The following CDH7 variants were observed in gnomAD, a reference collection of about 807,000 sequenced individuals.
CDH7 encodes cadherin 7, also known as cadherin-7.
In CDH7, 25 loss-of-function variants were observed where a neutral mutation model predicts 71.8. The observed-to-expected ratio is 0.35, with a 90% CI of 0.25 to 0.49. The LOEUF (loss-of-function observed/expected upper bound fraction) is 0.49, where lower values mean the gene tolerates loss of function less well. Among genes scored for constraint, CDH7 ranks in the 20% least tolerant of loss-of-function variants. The pLI is 0.99. For missense variants in CDH7, 862 were observed against 974.6 expected (o/e 0.88, Z 1.54); for synonymous variants, 381 against 363.8 (o/e 1.05, Z -0.54).
In CDH7 at chr18:65,842,818, AGTATGTATTAT is replaced by A. The variant is rs1568214798; in HGVS notation, c.982-993_982-983del. On this transcript the variant is annotated intron_variant, in intron 6 of 11. Coordinates refer to ENST00000397968, the MANE Select transcript of CDH7 (RefSeq NM_004361.5). Reference sequence around the variant, plus strand: ...TTCTTATATACTGACAACTAAGTCAAGTATGTATTATATTTTTCAGTATTCCTGTAAAGTTT... The same window carrying A: ...TTCTTATATACTGACAACTAAGTCAAATTTTTCAGTATTCCTGTAAAGTTT... Among the ~76,000 whole-genome samples the A allele has an allele frequency of 9.9e-5, 15 of 150,998 alleles. No individual in the cohort carries two copies. The South Asian group carries it at 1.7e-3, about 17-fold the overall frequency.
At chr18:65,811,077 G>T (rs1245185762) in intron 3 of CDH7, among the ~76,000 whole-genome samples, 2 of 151,680 alleles carry the variant, frequency 1.3e-5, no homozygotes, top group Non-Finnish European at 2.9e-5. Flanking sequence ...ATGAGAGATG[G>T]GTTGATTATT....
rs149642145 is a variant in CDH7 at position 65,807,646 on chromosome 18, C to T, written c.211-2058C>T. ...GGAGCATTAGGAGAGCAGCACTGAG[C>T]GTTAAGCGGCCCGGGGACTGGAAGC... On this transcript the variant is annotated intron_variant, in intron 2 of 11. Transcript: ENST00000397968. Among the ~76,000 whole-genome samples the T allele has an allele frequency of 6.2e-3, 940 of 152,278 alleles. 10 individuals are homozygous for T. Among genetic ancestry groups the T allele is most frequent in the African/African-American group, 0.021 (868 of 41,554 alleles).
rs1004805125 is a variant in CDH7 at position 65,753,853 on chromosome 18, A to G, written c.-197+2703A>G. 7.9e-5 allele frequency among the ~76,000 whole-genome samples: 12 copies of G among 152,344 alleles called. No individual in the cohort carries two copies. In the South Asian group the frequency reaches 1.7e-3, roughly 21 times the overall value. On this transcript the variant is annotated intron_variant, in intron 1 of 11. Coordinates refer to ENST00000397968, the MANE Select transcript of CDH7 (RefSeq NM_004361.5). ...ATTACCAGTTCAAATGAATATGCAG[A>G]CATCTGTCCATATCTTCATTTCAGA...
At chr18:65,869,656 T>C (rs1455955676) in intron 11 of CDH7, among the ~76,000 whole-genome samples, 2 of 150,286 alleles carry the variant, frequency 1.3e-5, no homozygotes, top group Non-Finnish European at 3.0e-5. Flanking sequence ...CTAGCAGTCT[T>C]TGAGCATCTG....
intron 2 of CDH7, among the ~76,000 whole-genome samples, chr18:65,789,216 G>T (rs890441635): frequency 1.3e-5 from 2 of 152,156 alleles, no homozygotes; most frequent in African/African-American, 2.4e-5. Context: ...CATCAGGCAG[G>T]TCTTTAAAGA....
chr18:65,763,636 G>A (rs992923636), intron 2 of CDH7, among the ~76,000 whole-genome samples: 1 of 147,194 alleles, frequency 6.8e-6, no homozygotes, highest in Non-Finnish European at 1.5e-5. Context: ...TGTGTGTTAG[G>A]TTGCTTTAAA....
chr18:65,806,354 G>A (rs1911321192), intron 2 of CDH7, among the ~76,000 whole-genome samples: 1 of 151,628 alleles, frequency 6.6e-6, no homozygotes, highest in African/African-American at 2.4e-5. Context: ...AAGGATTTAG[G>A]AACCCAGGCA....
intron 2 of CDH7, among the ~76,000 whole-genome samples, chr18:65,781,249 T>C (rs1257524105): frequency 1.3e-5 from 2 of 152,136 alleles, no homozygotes; most frequent in Admixed American, 6.6e-5. Context: ...ACTGCCCTTT[T>C]ACATAGATTA....
At chr18:65,777,984 T>A (rs1266645038) in intron 2 of CDH7, among the ~76,000 whole-genome samples, 1 of 152,096 alleles carries the variant, frequency 6.6e-6, no homozygotes, top group East Asian at 1.9e-4. Flanking sequence ...TATTTAGAAC[T>A]AGTGCCAGCC....
chr18:65,804,975 T>A (rs1374048689), intron 2 of CDH7, among the ~76,000 whole-genome samples: 1 of 151,942 alleles, frequency 6.6e-6, no homozygotes, highest in Non-Finnish European at 1.5e-5. Context: ...TTTGTTTTAT[T>A]TTTTTTTCTT....
intron 2 of CDH7, among the ~76,000 whole-genome samples, chr18:65,785,424 T>G (rs1185454802): frequency 6.6e-6 from 1 of 152,122 alleles, no homozygotes; most frequent in African/African-American, 2.4e-5. Context: ...AGCATGGAAT[T>G]AATTGAGTCA....
At chr18:65,824,321 G>T (rs1015809010) in intron 5 of CDH7, among the ~76,000 whole-genome samples, 1 of 151,310 alleles carries the variant, frequency 6.6e-6, no homozygotes, top group African/African-American at 2.4e-5. Context: ...TTTACTAATT[G>T]TATATCAATT....
At chr18:65,781,086 C>T (rs1910168301) in intron 2 of CDH7, among the ~76,000 whole-genome samples, 1 of 151,834 alleles carries the variant, frequency 6.6e-6, no homozygotes, top group Admixed American at 6.6e-5. Flanking sequence ...AAGAATCTTC[C>T]CAAGATGGTG....
chr18:65,756,847 A>T (rs1000299419), intron 1 of CDH7, among the ~76,000 whole-genome samples: 4 of 152,212 alleles, frequency 2.6e-5, no homozygotes, highest in African/African-American at 9.6e-5. Context: ...TGTACTTTTT[A>T]AAAAAGCAGT....
At chr18:65,865,449 A>T (rs142898617) in intron 11 of CDH7, 2 of 152,110 alleles carry the variant, frequency 1.3e-5, no homozygotes, top group African/African-American at 2.4e-5. Context: ...CTAAGGATCA[A>T]TTTTTTTGTG....
At chr18:65,865,610 CA>C (rs1913729448) in intron 11 of CDH7, 1 of 152,132 alleles carries the variant, frequency 6.6e-6, no homozygotes, top group African/African-American at 2.4e-5. Context: ...TCAGTATCAT[CA>C]AATGCTACCA....
At chr18:65,785,050 CT>C (rs1910462197) in intron 2 of CDH7, among the ~76,000 whole-genome samples, 1 of 152,084 alleles carries the variant, frequency 6.6e-6, no homozygotes, top group Non-Finnish European at 1.5e-5. Context: ...CAATTAATGA[CT>C]TTTGGATTGA....
Position 65,781,971 on chromosome 18 carries a change from TC to T in CDH7, c.210+18920del, listed in dbSNP as rs369429591. 2.3e-4 allele frequency among the ~76,000 whole-genome samples: 24 copies of T among 104,890 alleles called. 2 individuals carry two copies. Among genetic ancestry groups the T allele is most frequent in the South Asian group, 3.3e-4 (1 of 2,992 alleles). 68.8% of individuals were successfully genotyped at this position (104,890 alleles called of 152,430 possible). On this transcript the variant is annotated intron_variant, in intron 2 of 11. Coordinates refer to ENST00000397968, the MANE Select transcript of CDH7 (RefSeq NM_004361.5). ...TTCTCTCTTTCTCTCTTTCTCTCTC[TC>T]TCTCTCTCTCTCTCTTTCTCTCTTT...
chr18:65,820,485 C>T (rs1295708084), intron 4 of CDH7, among the ~76,000 whole-genome samples: 1 of 152,052 alleles, frequency 6.6e-6, no homozygotes, highest in East Asian at 1.9e-4. Flanking sequence ...TATGAGAATG[C>T]TTTTCCAAAT....
Sources: allele counts gnomAD v4.1 joint callset (sites outside exome capture counted in the v4.1 genomes callset), GRCh38; gene constraint gnomAD v4.1.1; transcripts MANE v1.5; gene names NCBI Gene and HGNC (gene_info 2026-07-23, HGNC 2026-07-21).